SLC30A8: variants seen among roughly 807,000 people sequenced by gnomAD.
SLC30A8 encodes proton-coupled zinc antiporter SLC30A8.
Under a neutral mutation model 36.9 loss-of-function variants are expected in SLC30A8, and 27 were observed. That is an observed-to-expected ratio of 0.73 (90% CI 0.54 to 1.01). SLC30A8 has a LOEUF of 1.01. Among genes scored for constraint, SLC30A8 ranks in the 50% least tolerant of loss-of-function variants. SLC30A8 has a pLI of 0.00. For missense variants in SLC30A8, 439 were observed against 452.0 expected, an observed-to-expected ratio of 0.97 and a Z score of 0.26; for synonymous variants, 164 against 172.4, an observed-to-expected ratio of 0.95 and a Z score of 0.38.
intron 1 of SLC30A8, among the ~76,000 whole-genome samples, chr8:117,037,397 C>T (rs1358600595): frequency 6.6e-6 from 1 of 152,142 alleles, no homozygotes; most frequent in African/African-American, 2.4e-5. Context: ...AATCCTAGCA[C>T]CTTTTGGTGA....
At chr8:117,149,450 G>T (rs1036308262) in intron 2 of SLC30A8, among the ~76,000 whole-genome samples, 7 of 152,106 alleles carry the variant, frequency 4.6e-5, no homozygotes, top group African/African-American at 1.7e-4. Context: ...GGCTCTTATT[G>T]TTAATCTCAC....
At chr8:117,153,229 G>T (rs1440435595) in intron 3 of SLC30A8, 139 bp downstream of exon 3, 3 of 785,562 alleles carry the variant, frequency 3.8e-6, no homozygotes, top group African/African-American at 1.7e-5. Flanking sequence ...AAACAAATGT[G>T]TATGTGGGAA....
At position 116,958,758 on chromosome 8, in the gene SLC30A8, TTCTA is replaced by T. The variant is rs1233075702; in HGVS notation, c.-266+7642_-266+7645del. On this transcript the variant is annotated intron_variant, in intron 1 of 10. Coordinates refer to the SLC30A8 transcript ENST00000427715. ...ATCATCACTTTAAGTATTTTTTTCTTTCTATCCCTTTTCCTTGGAGAATCTACTT... is the reference window on the plus strand; with the variant it reads ...ATCATCACTTTAAGTATTTTTTTCTTTCCCTTTTCCTTGGAGAATCTACTT... Among the ~76,000 whole-genome samples, 15 of 151,994 alleles carry T rather than the reference TTCTA, an allele frequency of 9.9e-5. 1 individual carries two copies. The highest frequency in any genetic ancestry group is 2.7e-4 in the African/African-American group (11 of 41,406).
intron 2 of SLC30A8, among the ~76,000 whole-genome samples, chr8:117,065,362 C>G (rs562458016): frequency 6.6e-6 from 1 of 152,082 alleles, no homozygotes; most frequent in East Asian, 1.9e-4. Flanking sequence ...TATTTAGAAC[C>G]TAAAGAAGGA....
intron 2 of SLC30A8, among the ~76,000 whole-genome samples, chr8:117,078,414 A>G (rs979932302): frequency 6.6e-6 from 1 of 152,208 alleles, no homozygotes; most frequent in African/African-American, 2.4e-5. Context: ...CTCATTTTAC[A>G]TAAAAGGAAT....
intron 1 of SLC30A8, among the ~76,000 whole-genome samples, chr8:116,979,832 G>A (rs1004810310): frequency 6.6e-6 from 1 of 152,156 alleles, no homozygotes; most frequent in Non-Finnish European, 1.5e-5. Flanking sequence ...GAGCTTGATT[G>A]CTGGGACCAT....
intron 2 of SLC30A8, among the ~76,000 whole-genome samples, chr8:117,099,854 T>C (rs1819633377): frequency 6.6e-6 from 1 of 152,216 alleles, no homozygotes; most frequent in African/African-American, 2.4e-5. Context: ...TTGAAGTAAG[T>C]GCTTTACATA....
At chr8:117,045,352 G>A (rs991115348) in intron 2 of SLC30A8, among the ~76,000 whole-genome samples, 2 of 152,088 alleles carry the variant, frequency 1.3e-5, no homozygotes, top group Non-Finnish European at 2.9e-5. Flanking sequence ...TACTTGAAAG[G>A]TTTTTTATGA....
In SLC30A8 at chr8:117,135,306, G is replaced by A. The variant is rs373906584; in HGVS notation, c.-22G>A. 2.5e-5 allele frequency: 39 copies of A among 1,575,818 alleles called. No individual in the cohort carries two copies. The African/African-American group carries it at 4.7e-4, about 19-fold the overall frequency. On this transcript the variant is annotated 5_prime_UTR_variant, in exon 1 of 8. Transcript: ENST00000456015. ...GAGTTCAACAACAACGACAACAACA[G>A]CCGCAGCTCATCCTGGCCGTCATGG...
rs373017955 is a variant in SLC30A8 at position 117,057,278 on chromosome 8, T to C, written c.-226+18020T>C. On this transcript the variant is annotated intron_variant, in intron 2 of 10. Coordinates refer to the SLC30A8 transcript ENST00000427715. ...ATAATTGACAAATAAAGATTATACA[T>C]GTTTAAGGCGTACAGTGTGATGATT... 4.6e-4 allele frequency among the ~76,000 whole-genome samples: 70 copies of C among 152,302 alleles called. 2 individuals are homozygous for C. In the South Asian group the frequency reaches 0.014, roughly 31 times the overall value.
rs966018569 is a variant in SLC30A8 at position 117,101,810 on chromosome 8, C to T, written c.-225-33470C>T. On this transcript the variant is annotated intron_variant, in intron 2 of 10. Coordinates refer to the SLC30A8 transcript ENST00000427715. ...CTGGATGCTTCCTACCCTTGAATAT[C>T]GGACTTCAAGTTCTTCAGCTTTGGG... Among the ~76,000 whole-genome samples the T allele has an allele frequency of 2.0e-5, 3 of 152,170 alleles. No individual in the cohort carries two copies. The East Asian group carries it at 5.8e-4, about 29-fold the overall frequency.
At chr8:117,142,316 C>G (rs1479854742) in intron 1 of SLC30A8, among the ~76,000 whole-genome samples, 1 of 152,120 alleles carries the variant, frequency 6.6e-6, no homozygotes, top group Non-Finnish European at 1.5e-5. Flanking sequence ...TGGCTGTAGT[C>G]ACCTCCTAAG....
chr8:117,147,031 T>G lies in SLC30A8; in HGVS notation c.149T>G (p.Met50Arg). The change falls in exon 2 of 8, where the codon ATG (methionine) becomes AGG (arginine). Residue 50 changes from methionine (M) to arginine (R), a missense_variant. Transcript: ENST00000456015. ...CCAGAGGAGCTGGAGTCAGGAGGCA[T>G]GTACCACTGCCACAGTGGCTCCAAG... is the stretch of plus-strand genomic sequence containing the variant. ...ERPEELESGGMYHCHSGSKPT... is the reference protein window; with the variant it reads ...ERPEELESGGRYHCHSGSKPT... The G allele has an allele frequency of 6.2e-7, 1 of 1,614,022 alleles. No individual in the cohort carries two copies. Among genetic ancestry groups the G allele is most frequent in the East Asian group, 2.2e-5 (1 of 44,870 alleles).
At chr8:117,142,907 G>A (rs1382027664) in intron 1 of SLC30A8, among the ~76,000 whole-genome samples, 1 of 152,082 alleles carries the variant, frequency 6.6e-6, no homozygotes, top group East Asian at 1.9e-4. Context: ...CACTTCTGAT[G>A]GTGCAGGCCC....
intron 3 of SLC30A8, among the ~76,000 whole-genome samples, chr8:117,157,083 T>C (rs116528705): frequency 0.031 from 4,711 of 152,340 alleles, 208 homozygotes; most frequent in African/African-American, 0.093. Flanking sequence ...TACATATTGA[T>C]GTAAACACTT....
At chr8:117,121,219 AC>A (rs1820681095) in intron 2 of SLC30A8, among the ~76,000 whole-genome samples, 1 of 151,932 alleles carries the variant, frequency 6.6e-6, no homozygotes, top group Non-Finnish European at 1.5e-5. Context: ...TTTTCACAAT[AC>A]CCAAGATGTG....
At chr8:117,056,081 G>A (rs911117458) in intron 2 of SLC30A8, 3 of 152,122 alleles carry the variant, frequency 2.0e-5, no homozygotes, top group Admixed American at 6.5e-5. Flanking sequence ...ACATCTCTAG[G>A]TAGCTTGTTT....
rs915186154 is a variant in SLC30A8 at position 117,082,752 on chromosome 8, C to T, written c.-226+43494C>T. ...GAAGTGTTCAGTCAGGACTAGAGAA[C>T]GAGCCTGTTTTGTTTTTGATTTTTG... is the stretch of plus-strand genomic sequence containing the variant. On this transcript the variant is annotated intron_variant, in intron 2 of 10. Coordinates refer to the SLC30A8 transcript ENST00000427715. 5.3e-5 allele frequency among the ~76,000 whole-genome samples: 8 copies of T among 152,168 alleles called. No individual in the cohort carries two copies. In the South Asian group the frequency reaches 1.2e-3, roughly 24 times the overall value.
intron 2 of SLC30A8, among the ~76,000 whole-genome samples, chr8:117,071,742 G>A (rs1818336395): frequency 6.6e-6 from 1 of 151,974 alleles, no homozygotes; most frequent in African/African-American, 2.4e-5. Context: ...GTAAGATAAG[G>A]ATCTAATTTT....
Sources: allele counts gnomAD v4.1 joint callset (sites outside exome capture counted in the v4.1 genomes callset), GRCh38; gene constraint gnomAD v4.1.1; transcripts MANE v1.5; gene names NCBI Gene and HGNC (gene_info 2026-07-23, HGNC 2026-07-21).